The following STRC variants were observed in gnomAD, a reference collection of about 807,000 sequenced individuals.
STRC encodes stereocilin.
Under a neutral mutation model 103.5 loss-of-function variants are expected in STRC, and 43 were observed. The ratio of observed to expected loss-of-function variants is 0.42; its 90% CI spans 0.33 to 0.54. The LOEUF (loss-of-function observed/expected upper bound fraction) is 0.54. STRC is among the 20% of genes least tolerant of loss of function. The pLI is 0.14. For missense variants in STRC, 499 were observed against 1,088.5 expected, an observed-to-expected ratio of 0.46 and a Z score of 7.62; for synonymous variants, 186 against 442.3, an observed-to-expected ratio of 0.42 and a Z score of 7.27.
chr15:43,603,309 G>A lies in STRC; in HGVS notation c.4478C>T (p.Thr1493Ile). The change falls in exon 23 of 29, where the codon ACA becomes ATA. Residue 1493 changes from threonine (T) to isoleucine (I), a missense_variant. Coordinates refer to ENST00000450892, the MANE Select transcript of STRC (RefSeq NM_153700.2). ...AAGTCCTGGGTCTCCTGCAAATAAT[G>A]TCAGGCAGTCCTCAAAGTCTGAGAG... ...MELSDFEDCL[T>I]LFAGDPGLGP... The A allele has an allele frequency of 6.2e-7, 1 of 1,613,868 alleles. No individual in the cohort carries two copies. Among genetic ancestry groups the A allele is most frequent in the African/African-American group, 1.3e-5 (1 of 74,984 alleles).
chr15:43,603,933 A>C, intron 22 of STRC, 63 bp downstream of exon 22: 1 of 1,609,898 alleles, frequency 6.2e-7, no homozygotes, highest in Non-Finnish European at 8.5e-7. Flanking sequence ...CACATGTAGA[A>C]CCCAGACCGT....
Position 43,604,067 on chromosome 15 carries a change from T to C in STRC, c.4304A>G (p.Glu1435Gly), listed in dbSNP as rs763302958. 3.1e-4 allele frequency: 494 copies of C among 1,612,382 alleles called. 8 individuals carry two copies. Among genetic ancestry groups the C allele is most frequent in the Middle Eastern group, 3.4e-4 (2 of 5,900 alleles). ...EQSRVGQLCR[E>G]PQLAAKKAAL... ...TGCTTTCTTGGCAGCAAGCTGTGGCTCCCTACACAGCTGTCCAACTCTGCT... is the reference window on the plus strand; with the variant it reads ...TGCTTTCTTGGCAGCAAGCTGTGGCCCCCTACACAGCTGTCCAACTCTGCT... Residue 1435 changes from glutamate to glycine, a missense_variant, in exon 22 of 29, where the codon GAG becomes GGG. Glu to Gly is a moderately conservative substitution (Grantham distance 98). Coordinates refer to ENST00000450892, the MANE Select transcript of STRC (RefSeq NM_153700.2).
rs778945925 is a variant in STRC at position 43,608,010 on chromosome 15, T to C, written c.3682-35A>G. On this transcript the variant is annotated intron_variant, in intron 17 of 28. Transcript: ENST00000450892. ...AGCAGTGTGAGGCCAGAGCAGAACA[T>C]AGGAGCTGGGTTCTATACCTAGGGT... 2.4e-5 allele frequency: 39 copies of C among 1,610,966 alleles called. 1 individual carries two copies. The highest frequency in any genetic ancestry group is 1.3e-4 in the East Asian group (6 of 44,812).
At chr15:43,617,418 TC>T in intron 3 of STRC, 39 bp downstream of exon 3, 1 of 273,300 alleles carries the variant, frequency 3.7e-6, no homozygotes, top group Non-Finnish European at 6.3e-6. Context: ...CTCCAGATTT[TC>T]CAGGCCCAAT....
intron 15 of STRC, chr15:43,609,841 G>T (rs1203913732): frequency 4.5e-6 from 1 of 224,022 alleles, no homozygotes; most frequent in African/African-American, 2.7e-5. Flanking sequence ...GGCCAATATG[G>T]TGAAACCCTG....
At chr15:43,611,005 T>G (rs1419022172) in intron 13 of STRC, 21 bp from the exon 14 acceptor site, 1 of 1,477,018 alleles carries the variant, frequency 6.8e-7, no homozygotes, top group East Asian at 2.9e-5. Flanking sequence ...ATTGGTTGTG[T>G]GTGTGTGTGT....
At chr15:43,601,776 C>T (rs1177035087) in intron 23 of STRC, 2 of 539,824 alleles carry the variant, frequency 3.7e-6, no homozygotes, top group Non-Finnish European at 6.7e-6. Context: ...TAACTCTAGT[C>T]CATGAGTTCC....
In STRC at chr15:43,601,516, C is replaced by T. The variant is rs1331991004; in HGVS notation, c.4581G>A (p.Gln1527=). 160 of 1,613,774 alleles carry T rather than the reference C, an allele frequency of 9.9e-5. 1 individual carries two copies. Among genetic ancestry groups the T allele is most frequent in the Non-Finnish European group, 1.3e-4 (156 of 1,179,890 alleles). ...WGPPRGFRPE[Q]ILQLGRLLIG... ...TTAAGAGCCTACCAAGCTGCAGGAT[C>T]TGCTCAGGACGAAATCCCCGGGGGG... The change falls in exon 24 of 29, where the codon CAG becomes CAA. Residue 1527 remains glutamine (Q), a synonymous_variant. Transcript: ENST00000450892.
chr15:43,607,932 G>A lies in STRC; in HGVS notation c.3725C>T (p.Pro1242Leu). ...WAELQRRMAM[P>L]EPEWTTVGPE... ...CCCTACAGTTGTCCATTCTGGTTCT[G>A]GCATTGCCATCCTCCGCTGTAGCTC... The change falls in exon 18 of 29, where the codon CCA (proline) becomes CTA (leucine). Residue 1242 changes from proline to leucine, a missense_variant. Coordinates refer to ENST00000450892, the MANE Select transcript of STRC (RefSeq NM_153700.2). 6.2e-7 allele frequency: 1 copy of A among 1,608,092 alleles called. No homozygotes were observed. Among genetic ancestry groups the A allele is most frequent in the Non-Finnish European group, 8.5e-7 (1 of 1,179,068 alleles).
chr15:43,600,632 T>G lies in STRC; in HGVS notation c.4895A>C (p.Gln1632Pro). 6.2e-7 allele frequency: 1 copy of G among 1,613,726 alleles called. No individual in the cohort carries two copies. The highest frequency in any genetic ancestry group is 8.5e-7 in the Non-Finnish European group (1 of 1,179,864). Residue 1632 changes from glutamine to proline, a missense_variant, in exon 26 of 29, where the codon CAA (glutamine) becomes CCA (proline). Coordinates refer to ENST00000450892, the MANE Select transcript of STRC (RefSeq NM_153700.2). ...AAGTAGGTGGGCCAGAACCTCCAGT[T>G]GTTCCTCAGAGCACTGGAGATGCAG... ...GTLHLQCSEE[Q>P]LEVLAHLLVL...
chr15:43,600,818 C>A, intron 25 of STRC, 54 bp downstream of exon 25: 1 of 1,613,658 alleles, frequency 6.2e-7, no homozygotes. Context: ...CTTCTTTCCC[C>A]AGTAAGTCCA....
chr15:43,603,714 T>G, intron 22 of STRC: 1 of 663,092 alleles, frequency 1.5e-6, no homozygotes, highest in Non-Finnish European at 2.5e-6. Context: ...TCTAGGGATC[T>G]CCCCAGCAGA....
chr15:43,603,651 T>C, intron 22 of STRC: 1 of 632,752 alleles, frequency 1.6e-6, no homozygotes, highest in East Asian at 2.9e-5. Flanking sequence ...GATTTAATGG[T>C]AGCACTGAAT....
intron 16 of STRC, 126 bp downstream of exon 16, chr15:43,609,150 G>A (rs1387390785): frequency 1.6e-5 from 14 of 855,986 alleles, no homozygotes; most frequent in South Asian, 4.0e-5. Flanking sequence ...GAACGTCCAC[G>A]AGGCAGGGAC....
At chr15:43,604,317 T>A in intron 21 of STRC, 44 bp downstream of exon 21, 1 of 1,581,990 alleles carries the variant, frequency 6.3e-7, no homozygotes, top group Non-Finnish European at 8.6e-7. Flanking sequence ...AGCTCACCAG[T>A]CCCCTCTATG....
chr15:43,605,435 G>A (rs2085705380), intron 18 of STRC, 36 bp from the exon 19 acceptor site: 6 of 1,578,908 alleles, frequency 3.8e-6, no homozygotes, highest in East Asian at 2.3e-5. Context: ...GGATTCAGGT[G>A]GAGCTGGGCC....
rs572974499 is a variant in STRC at position 43,606,428 on chromosome 15, C to T, written c.3795-1029G>A. Among the ~76,000 whole-genome samples the T allele has an allele frequency of 3.7e-4, 52 of 142,164 alleles. 1 individual carries two copies. The highest frequency in any genetic ancestry group is 3.6e-3 in the Middle Eastern group (1 of 278). The allele number at this position is 142,164 out of a possible 152,430, so 93.3% of individuals were successfully genotyped here. On this transcript the variant is annotated intron_variant, in intron 18 of 28. Transcript: ENST00000450892. Reference sequence around the variant, plus strand: ...CACCCTGAGCAACATGGTGAAACCCCGTCTCTACTAAAAATGCAAAAATTA... The same window carrying T: ...CACCCTGAGCAACATGGTGAAACCCTGTCTCTACTAAAAATGCAAAAATTA...
chr15:43,600,524 A>G lies in STRC; in HGVS notation c.4993+10T>C. On this transcript the variant is annotated intron_variant, in intron 26 of 28. Transcript: ENST00000450892. ...AACCAACTTGCACCAGCAGTGGCCC[A>G]GCTCCCCACCTGCTATGGTGCCAAT... 6.2e-7 allele frequency: 1 copy of G among 1,612,506 alleles called. No homozygotes were observed.
chr15:43,600,868 T>C lies in STRC; in HGVS notation c.4844+4A>G. On this transcript the variant is annotated splice_donor_region_variant and intron_variant, in intron 25 of 28. Coordinates refer to ENST00000450892, the MANE Select transcript of STRC (RefSeq NM_153700.2). ...CCACCACCCTCAGCCCCTTCACAAA[T>C]GACCTGAACTCCCAACTGCTGATGT... 6.2e-7 allele frequency: 1 copy of C among 1,613,422 alleles called. No individual in the cohort carries two copies. The highest frequency in any genetic ancestry group is 8.5e-7 in the Non-Finnish European group (1 of 1,179,792).
Sources: allele counts gnomAD v4.1 joint callset (sites outside exome capture counted in the v4.1 genomes callset), GRCh38; gene constraint gnomAD v4.1.1; transcripts MANE v1.5; gene names NCBI Gene and HGNC (gene_info 2026-07-23, HGNC 2026-07-21).